The following SSBP3 variants were observed in gnomAD, a reference collection of about 807,000 sequenced individuals.
SSBP3 encodes the protein single stranded DNA binding protein 3.
In SSBP3, 5 loss-of-function variants were observed where a neutral mutation model predicts 69.6. That is an observed-to-expected ratio of 0.07 (90% CI 0.04 to 0.15). The LOEUF is 0.15. Ranked by LOEUF, SSBP3 falls within the 10% of genes least tolerant of loss-of-function variation. The pLI, the probability that SSBP3 is intolerant of heterozygous loss-of-function variation, is 1.00. For missense variants in SSBP3, 312 were observed against 534.0 expected (o/e 0.58, Z 4.10); for synonymous variants, 196 against 193.4 (o/e 1.01, Z -0.11).
chr1:54,285,895 C>T (rs1645480098), intron 4 of SSBP3, among the ~76,000 whole-genome samples: 1 of 152,106 alleles, frequency 6.6e-6, no homozygotes, highest in Non-Finnish European at 1.5e-5. Context: ...ACGGACAGGC[C>T]CCTTTCTCGT....
intron 4 of SSBP3, among the ~76,000 whole-genome samples, chr1:54,332,677 G>C (rs1646438313): frequency 6.6e-6 from 1 of 152,094 alleles, no homozygotes; most frequent in Non-Finnish European, 1.5e-5. Context: ...TCCTTGACAA[G>C]AGCTCCAAAA....
chr1:54,284,006 G>A (rs570998666), intron 4 of SSBP3, among the ~76,000 whole-genome samples: 3 of 152,128 alleles, frequency 2.0e-5, no homozygotes, highest in African/African-American at 7.2e-5. Context: ...TAAAAATGGG[G>A]TAAGGTAAAC....
At position 54,361,884 on chromosome 1, in the gene SSBP3, T is replaced by C. The variant is rs190707244; in HGVS notation, c.276+39977A>G. 4.0e-3 allele frequency among the ~76,000 whole-genome samples: 607 copies of C among 152,312 alleles called. 5 individuals are homozygous for C. Among genetic ancestry groups the C allele is most frequent in the African/African-American group, 0.014 (578 of 41,566 alleles). On this transcript the variant is annotated intron_variant, in intron 4 of 17. Coordinates refer to ENST00000610401, the Ensembl canonical transcript of SSBP3. ...TTAACTGTCCCTGACTGGGAGGTGT[T>C]GTCATCGTCCTTCCGCCATGGGTTC...
At chr1:54,280,086 T>G (rs1645363222) in intron 5 of SSBP3, among the ~76,000 whole-genome samples, 1 of 152,174 alleles carries the variant, frequency 6.6e-6, no homozygotes, top group Admixed American at 6.5e-5. Flanking sequence ...CCATCCTGCA[T>G]CCCTCTCTCT....
chr1:54,273,230 G>T (rs1467391139), intron 5 of SSBP3, among the ~76,000 whole-genome samples: 1 of 152,250 alleles, frequency 6.6e-6, no homozygotes, highest in Non-Finnish European at 1.5e-5. Flanking sequence ...TTTCATCAGT[G>T]AGAGTTACGG....
upstream of SSBP3, among the ~76,000 whole-genome samples, chr1:54,407,000 C>T (rs1213079922): frequency 1.3e-5 from 2 of 152,034 alleles, no homozygotes; most frequent in African/African-American, 4.8e-5. Flanking sequence ...AGTCTGGCTT[C>T]CGAGCGCCGG....
intron 4 of SSBP3, among the ~76,000 whole-genome samples, chr1:54,367,022 T>C (rs138666382): frequency 6.6e-6 from 1 of 152,180 alleles, no homozygotes; most frequent in Admixed American, 6.5e-5. Context: ...TTATTTACCC[T>C]GCGGGTTCTC....
At chr1:54,357,174 G>C (rs1646882204) in intron 4 of SSBP3, among the ~76,000 whole-genome samples, 1 of 152,136 alleles carries the variant, frequency 6.6e-6, no homozygotes, top group African/African-American at 2.4e-5. Flanking sequence ...GGGGAAGGGA[G>C]AAAAGGAAAA....
chr1:54,384,507 G>A (rs1647933779), intron 4 of SSBP3, among the ~76,000 whole-genome samples: 1 of 152,220 alleles, frequency 6.6e-6, no homozygotes, highest in Non-Finnish European at 1.5e-5. Context: ...ACCCACCATG[G>A]GCTCTGCCCC....
At chr1:54,228,428 G>T (rs1445715113) in intron 16 of SSBP3, 21 bp downstream of exon 16, 1 of 1,614,102 alleles carries the variant, frequency 6.2e-7, no homozygotes, top group African/African-American at 1.3e-5. Flanking sequence ...GCGCCGCCAG[G>T]GAGACCGAGT....
chr1:54,275,083 C>T, intron 5 of SSBP3, among the ~76,000 whole-genome samples: 1 of 152,170 alleles, frequency 6.6e-6, no homozygotes, highest in East Asian at 1.9e-4. Flanking sequence ...TCAGTCACTG[C>T]CTGCCCCCTC....
intron 4 of SSBP3, among the ~76,000 whole-genome samples, chr1:54,390,825 G>A (rs981411989): frequency 5.9e-5 from 9 of 152,232 alleles, no homozygotes; most frequent in African/African-American, 1.4e-4. Context: ...GGATCTGGCC[G>A]GCAGGCGGGC....
rs554685269 is a variant in SSBP3 at position 54,264,937 on chromosome 1, T to G, written c.367-6788A>C. ...GTGGGACGCAGAGGACCTGCGGTAC[T>G]GGCGGCCTGTGTAATCTGCCTGTTA... On this transcript the variant is annotated intron_variant, in intron 5 of 17. Coordinates refer to ENST00000610401, the Ensembl canonical transcript of SSBP3. Among the ~76,000 whole-genome samples, 439 of 152,374 alleles carry G rather than the reference T, an allele frequency of 2.9e-3. 1 individual carries two copies. The highest frequency in any genetic ancestry group is 5.5e-3 in the Non-Finnish European group (373 of 68,046).
chr1:54,375,448 G>A (rs1647204701), intron 4 of SSBP3, among the ~76,000 whole-genome samples: 1 of 152,126 alleles, frequency 6.6e-6, no homozygotes, highest in Non-Finnish European at 1.5e-5. Flanking sequence ...TTTCCCACAG[G>A]CCAGTCCACA....
At chr1:54,231,749 C>T (rs932343704) in intron 14 of SSBP3, among the ~76,000 whole-genome samples, 1 of 152,128 alleles carries the variant, frequency 6.6e-6, no homozygotes, top group Non-Finnish European at 1.5e-5. Context: ...GGCTGGAGTG[C>T]AGTGGCGTGA....
intron 9 of SSBP3, among the ~76,000 whole-genome samples, chr1:54,247,992 T>C (rs1201579874): frequency 6.6e-6 from 1 of 152,258 alleles, no homozygotes; most frequent in Non-Finnish European, 1.5e-5. Context: ...GACAGGGTGA[T>C]ACCTGCGTTG....
chr1:54,311,304 T>G (rs1223292104), intron 4 of SSBP3, among the ~76,000 whole-genome samples: 1 of 151,954 alleles, frequency 6.6e-6, no homozygotes, highest in African/African-American at 2.4e-5. Flanking sequence ...TGAGATGGAG[T>G]GTTCCCTGCT....
chr1:54,379,941 A>G (rs77965618), intron 4 of SSBP3, among the ~76,000 whole-genome samples: 15,698 of 152,122 alleles, frequency 0.1, 1,091 homozygotes, highest in Non-Finnish European at 0.14. Flanking sequence ...GAGCGCACTC[A>G]TTTTTTGGGG....
At chr1:54,408,748 A>G (rs760968175), upstream of SSBP3, among the ~76,000 whole-genome samples, 2 of 152,086 alleles carry the variant, frequency 1.3e-5, no homozygotes, top group African/African-American at 4.8e-5. Context: ...TTCTCTCCCT[A>G]CCACCACCCT....
Sources: gnomAD v4.1 joint callset for allele counts (sites outside exome capture counted in the v4.1 genomes callset) on GRCh38, gnomAD v4.1.1 for gene constraint, MANE v1.5 for transcripts, NCBI Gene and HGNC (gene_info 2026-07-23, HGNC 2026-07-21) for gene names.